The following CTNNA3 variants were observed in gnomAD, a reference collection of about 807,000 sequenced individuals.
The protein encoded by CTNNA3 is catenin alpha-3.
Under a neutral mutation model 95.7 loss-of-function variants are expected in CTNNA3, and 76 were observed. The observed-to-expected ratio is 0.79, with a 90% CI of 0.66 to 0.96. The LOEUF (loss-of-function observed/expected upper bound fraction) is 0.96. Among genes scored for constraint, CTNNA3 ranks in the 40% least tolerant of loss-of-function variants. CTNNA3 has a pLI of 0.00. For missense variants in CTNNA3, 1,191 were observed against 1,089.8 expected, an observed-to-expected ratio of 1.09 and a Z score of -1.31; for synonymous variants, 431 against 374.4, an observed-to-expected ratio of 1.15 and a Z score of -1.74.
intron 9 of CTNNA3, among the ~76,000 whole-genome samples, chr10:66,684,673 T>C: frequency 6.6e-6 from 1 of 152,150 alleles, no homozygotes; most frequent in East Asian, 1.9e-4. Context: ...TAAATTTTTC[T>C]GATAAAGTAT....
At chr10:67,059,036 G>C (rs943721573) in intron 7 of CTNNA3, among the ~76,000 whole-genome samples, 8 of 152,110 alleles carry the variant, frequency 5.3e-5, no homozygotes, top group Admixed American at 2.6e-4. Flanking sequence ...TTCTAAGAAG[G>C]ACATTTCTCA....
intron 9 of CTNNA3, among the ~76,000 whole-genome samples, chr10:66,759,307 G>A (rs756486430): frequency 4.6e-5 from 7 of 152,102 alleles, no homozygotes; most frequent in Non-Finnish European, 8.8e-5. Flanking sequence ...CTTGCTTCAG[G>A]TTGCAGTGGA....
Position 66,139,181 on chromosome 10 carries a change from C to T in CTNNA3, c.1885-35932G>A, listed in dbSNP as rs114196643. Among the ~76,000 whole-genome samples, 1,513 of 152,268 alleles carry T rather than the reference C, an allele frequency of 9.9e-3. 34 individuals carry two copies. Among genetic ancestry groups the T allele is most frequent in the African/African-American group, 0.035 (1,435 of 41,542 alleles). Reference sequence around the variant, plus strand: ...CTGCACGCTTAGGGATATCATGATGCCGAAATGTTAGGCGAGAAATAAAAC... The same window carrying T: ...CTGCACGCTTAGGGATATCATGATGTCGAAATGTTAGGCGAGAAATAAAAC... On this transcript the variant is annotated intron_variant, in intron 13 of 17. Coordinates refer to ENST00000433211, the MANE Select transcript of CTNNA3 (RefSeq NM_013266.4).
At chr10:67,737,368 A>C (rs1841308434) in intron 1 of CTNNA3, among the ~76,000 whole-genome samples, 2 of 152,184 alleles carry the variant, frequency 1.3e-5, no homozygotes, top group South Asian at 4.1e-4. Context: ...GGAGAAGTTT[A>C]TAGCCATAAA....
chr10:67,390,286 A>G lies in CTNNA3; in HGVS notation c.579+131556T>C, dbSNP rs566364429. Among the ~76,000 whole-genome samples, 24 of 152,318 alleles carry G rather than the reference A, an allele frequency of 1.6e-4. No homozygotes were observed. The South Asian group carries it at 5.0e-3, about 32-fold the overall frequency. ...AGAATACTACAAACACCTCTATGCA[A>G]ATAAACTAGAAAATCTAGAAGAAAT... On this transcript the variant is annotated intron_variant, in intron 5 of 17. Coordinates refer to ENST00000433211, the MANE Select transcript of CTNNA3 (RefSeq NM_013266.4).
chr10:66,833,408 G>A (rs78044275), intron 7 of CTNNA3, among the ~76,000 whole-genome samples: 22,047 of 152,092 alleles, frequency 0.14, 1,701 homozygotes, highest in Middle Eastern at 0.23. Context: ...CACTGACTAC[G>A]TGCAAATCCT....
intron 12 of CTNNA3, among the ~76,000 whole-genome samples, chr10:66,316,381 C>T (rs927399680): frequency 6.6e-6 from 1 of 152,046 alleles, no homozygotes; most frequent in African/African-American, 2.4e-5. Context: ...TTATTGTCTA[C>T]TTTATGAACT....
At chr10:67,301,744 G>A (rs750499085) in intron 5 of CTNNA3, among the ~76,000 whole-genome samples, 2 of 152,098 alleles carry the variant, frequency 1.3e-5, no homozygotes, top group Non-Finnish European at 2.9e-5. Context: ...CAAGGCGGGT[G>A]GATCACGAGG....
intron 7 of CTNNA3, among the ~76,000 whole-genome samples, chr10:66,951,280 C>A (rs1193575313): frequency 1.3e-5 from 2 of 151,780 alleles, no homozygotes; most frequent in Non-Finnish European, 2.9e-5. Context: ...CACCCCTGGC[C>A]AATTTTTGTA....
chr10:66,833,374 A>G (rs1842787515), intron 7 of CTNNA3, among the ~76,000 whole-genome samples: 1 of 152,244 alleles, frequency 6.6e-6, no homozygotes, highest in Admixed American at 6.5e-5. Flanking sequence ...TATCTTGTTT[A>G]TATCTCTATA....
chr10:66,650,942 C>T (rs1179466824), intron 9 of CTNNA3, among the ~76,000 whole-genome samples: 3 of 152,160 alleles, frequency 2.0e-5, no homozygotes, highest in African/African-American at 7.2e-5. Context: ...CCACCGCTGG[C>T]TCGGGCAGCC....
chr10:66,114,740 G>A (rs1439895885), intron 13 of CTNNA3, among the ~76,000 whole-genome samples: 6 of 151,362 alleles, frequency 4.0e-5, no homozygotes, highest in Admixed American at 2.0e-4. Context: ...TTAGTTGGGC[G>A]TGGTGGCACG....
chr10:67,582,947 G>T (rs978931206), intron 3 of CTNNA3, among the ~76,000 whole-genome samples: 1 of 151,912 alleles, frequency 6.6e-6, no homozygotes, highest in Non-Finnish European at 1.5e-5. Flanking sequence ...TTGAGCCTAT[G>T]TGTGTCTCTG....
At chr10:67,115,998 AAG>A (rs1034404325) in intron 7 of CTNNA3, among the ~76,000 whole-genome samples, 3 of 152,016 alleles carry the variant, frequency 2.0e-5, no homozygotes, top group Admixed American at 1.3e-4. Flanking sequence ...AAAAAATTTA[AAG>A]AGTTATTTTT....
At chr10:67,127,723 C>T (rs976347378) in intron 7 of CTNNA3, among the ~76,000 whole-genome samples, 1 of 152,114 alleles carries the variant, frequency 6.6e-6, no homozygotes, top group African/African-American at 2.4e-5. Context: ...TTCAGTCTCT[C>T]CTTAGGACCT....
intron 1 of CTNNA3, among the ~76,000 whole-genome samples, chr10:67,690,272 C>A (rs536998194): frequency 3.3e-5 from 5 of 152,126 alleles, no homozygotes; most frequent in Non-Finnish European, 7.4e-5. Flanking sequence ...AGCCACAGAC[C>A]CTCACGGTGA....
chr10:67,322,062 T>C lies in CTNNA3; in HGVS notation c.580-102192A>G, dbSNP rs143027792. ...GACAAGGTCCTAGTCCAAGATACTG[T>C]GTCATTTTTCACTTGGGTTTCAGCA... On this transcript the variant is annotated intron_variant, in intron 5 of 17. Transcript: ENST00000433211. 6.5e-4 allele frequency among the ~76,000 whole-genome samples: 99 copies of C among 152,178 alleles called. 1 individual carries two copies. The highest frequency in any genetic ancestry group is 2.3e-3 in the African/African-American group (95 of 41,524).
At chr10:67,135,777 C>A (rs1323218544) in intron 7 of CTNNA3, among the ~76,000 whole-genome samples, 1 of 152,118 alleles carries the variant, frequency 6.6e-6, no homozygotes, top group Non-Finnish European at 1.5e-5. Flanking sequence ...TGATTTAAAT[C>A]TCACACTAGT....
At chr10:66,759,020 T>C (rs1289269891) in intron 9 of CTNNA3, among the ~76,000 whole-genome samples, 1 of 152,204 alleles carries the variant, frequency 6.6e-6, no homozygotes, top group African/African-American at 2.4e-5. Flanking sequence ...ACTTTTGACC[T>C]GTTAATGTTG....
Sources: gnomAD v4.1 joint callset for allele counts (sites outside exome capture counted in the v4.1 genomes callset) on GRCh38, gnomAD v4.1.1 for gene constraint, MANE v1.5 for transcripts, NCBI Gene and HGNC (gene_info 2026-07-23, HGNC 2026-07-21) for gene names.